Variants in NELL1 observed in about 807,000 individuals in gnomAD.
NELL1 encodes neural EGFL like 1.
NELL1 carries 76 observed loss-of-function variants against 107.4 expected under a neutral mutation model. The observed-to-expected ratio is 0.71, with a 90% CI of 0.59 to 0.86. The LOEUF is 0.86. Among genes scored for constraint, NELL1 ranks in the 40% least tolerant of loss-of-function variants. The pLI, the probability that NELL1 is intolerant of heterozygous loss-of-function variation, is 0.00. For missense variants in NELL1, 1,024 were observed against 1,005.5 expected (o/e 1.02, Z -0.25); for synonymous variants, 353 against 341.2 (o/e 1.03, Z -0.38).
intron 14 of NELL1, among the ~76,000 whole-genome samples, chr11:21,278,930 C>T (rs1354312584): frequency 1.3e-5 from 2 of 152,044 alleles, no homozygotes; most frequent in East Asian, 3.9e-4. Flanking sequence ...GAAGAATAGA[C>T]AAACAAGTCA....
At chr11:21,104,238 G>C (rs2133710642) in intron 12 of NELL1, among the ~76,000 whole-genome samples, 1 of 152,248 alleles carries the variant, frequency 6.6e-6, no homozygotes, top group South Asian at 2.1e-4. Context: ...AGACTGAATT[G>C]ATCACCCTTC....
chr11:21,478,264 G>C (rs1478194483), intron 15 of NELL1, among the ~76,000 whole-genome samples: 2 of 152,070 alleles, frequency 1.3e-5, no homozygotes, highest in African/African-American at 2.4e-5. Context: ...CCTCTCACCA[G>C]GTCCCTCCCT....
chr11:20,674,516 C>A (rs573625441), intron 1 of NELL1: 1 of 1,536,020 alleles, frequency 6.5e-7, no homozygotes, highest in Admixed American at 2.0e-5. Context: ...CCCGTGTTAT[C>A]GCTGATATGG....
At chr11:21,147,389 T>C (rs957113778) in intron 13 of NELL1, among the ~76,000 whole-genome samples, 2 of 152,170 alleles carry the variant, frequency 1.3e-5, no homozygotes, top group African/African-American at 4.8e-5. Flanking sequence ...TCTGGGAATA[T>C]ACTGAAGGAA....
chr11:21,252,041 T>TAGCTACCAATA (rs1858652549), intron 14 of NELL1, among the ~76,000 whole-genome samples: 2 of 152,162 alleles, frequency 1.3e-5, no homozygotes, highest in African/African-American at 4.8e-5. Context: ...CGCAAGACTG[T>TAGCTACCAATA]GTCACATGTT....
Position 20,927,451 on chromosome 11 carries a change from CT to C in NELL1, c.894+12del, listed in dbSNP as rs770404648. On this transcript the variant is annotated intron_variant, in intron 8 of 19. Transcript: ENST00000357134. Reference sequence around the variant, plus strand: ...GGAACTGCACTTGCAAAGTAAGCCTCTTTGTAAATAAATACAGTAAAAACAG... The same window carrying C: ...GGAACTGCACTTGCAAAGTAAGCCTCTTGTAAATAAATACAGTAAAAACAG... 5.6e-6 allele frequency: 9 copies of C among 1,605,024 alleles called. No homozygotes were observed. In the East Asian group the frequency reaches 2.0e-4, roughly 36 times the overall value.
chr11:21,269,891 C>T (rs1442167869), intron 14 of NELL1, among the ~76,000 whole-genome samples: 8 of 151,974 alleles, frequency 5.3e-5, no homozygotes, highest in African/African-American at 1.9e-4. Context: ...TGAATGACAG[C>T]AATGATACAG....
At chr11:21,385,688 C>T (rs1412205098) in intron 15 of NELL1, among the ~76,000 whole-genome samples, 1 of 151,916 alleles carries the variant, frequency 6.6e-6, no homozygotes, top group Admixed American at 6.6e-5. Context: ...TAAATATAAT[C>T]AAATGTTTTC....
intron 15 of NELL1, among the ~76,000 whole-genome samples, chr11:21,458,381 T>A (rs148134874): frequency 2.3e-3 from 356 of 152,228 alleles, no homozygotes; most frequent in African/African-American, 8.1e-3. Context: ...ACCCTGTAGA[T>A]ATAATCAGAG....
At chr11:21,421,953 C>T (rs898345319) in intron 15 of NELL1, among the ~76,000 whole-genome samples, 2 of 152,158 alleles carry the variant, frequency 1.3e-5, no homozygotes, top group South Asian at 2.1e-4. Flanking sequence ...GCAGATTTTT[C>T]ACCAAAACTT....
intron 2 of NELL1, among the ~76,000 whole-genome samples, chr11:20,771,384 T>C (rs968916028): frequency 3.3e-5 from 5 of 152,208 alleles, no homozygotes; most frequent in Admixed American, 2.6e-4. Context: ...TTGCATCCTA[T>C]GCTGAAGTTG....
chr11:21,495,651 T>C (rs1034603406), intron 15 of NELL1, among the ~76,000 whole-genome samples: 28 of 152,190 alleles, frequency 1.8e-4, no homozygotes, highest in African/African-American at 6.5e-4. Context: ...CAAGTTTCTC[T>C]ACATCCTTAC....
intron 12 of NELL1, among the ~76,000 whole-genome samples, chr11:20,995,734 T>C (rs576505411): frequency 6.6e-6 from 1 of 152,298 alleles, no homozygotes; most frequent in African/African-American, 2.4e-5. Flanking sequence ...TCAACACATA[T>C]TTATGTGCTG....
At chr11:20,851,554 G>C (rs554642877) in intron 4 of NELL1, among the ~76,000 whole-genome samples, 2 of 152,240 alleles carry the variant, frequency 1.3e-5, no homozygotes, top group African/African-American at 4.8e-5. Flanking sequence ...TCCCTTCTCA[G>C]CTCACTTTAC....
chr11:20,813,976 T>G (rs149859484), intron 3 of NELL1, among the ~76,000 whole-genome samples: 2,796 of 151,546 alleles, frequency 0.018, 35 homozygotes, highest in South Asian at 0.029. Flanking sequence ...TTGTTATTTA[T>G]AAATAAATTT....
intron 2 of NELL1, among the ~76,000 whole-genome samples, chr11:20,724,723 C>G (rs1855469794): frequency 6.6e-6 from 1 of 152,206 alleles, no homozygotes; most frequent in Admixed American, 6.5e-5. Context: ...GCCCTCTAAA[C>G]TGTTCTAACA....
intron 13 of NELL1, among the ~76,000 whole-genome samples, chr11:21,123,769 T>A (rs763744651): frequency 6.6e-5 from 10 of 152,192 alleles, no homozygotes; most frequent in Non-Finnish European, 1.3e-4. Flanking sequence ...ATTCCATTTA[T>A]TATTTGTAAG....
intron 15 of NELL1, among the ~76,000 whole-genome samples, chr11:21,388,029 A>G (rs1410718244): frequency 1.3e-5 from 2 of 151,744 alleles, no homozygotes; most frequent in African/African-American, 4.8e-5. Context: ...AAAGCTAAGA[A>G]CAAGGGGACA....
chr11:21,475,007 G>A (rs527704393), intron 15 of NELL1, among the ~76,000 whole-genome samples: 10 of 152,128 alleles, frequency 6.6e-5, no homozygotes, highest in African/African-American at 2.4e-4. Flanking sequence ...GAGTGGAAAG[G>A]GATCCTTTCA....
Sources: gnomAD v4.1 joint callset for allele counts (sites outside exome capture counted in the v4.1 genomes callset) on GRCh38, gnomAD v4.1.1 for gene constraint, MANE v1.5 for transcripts, NCBI Gene and HGNC (gene_info 2026-07-23, HGNC 2026-07-21) for gene names.